Variants in VCL observed in about 807,000 individuals in gnomAD.
VCL encodes the protein epididymis luminal protein 114.
Under a neutral mutation model 125.7 loss-of-function variants are expected in VCL, and 47 were observed. The observed-to-expected ratio is 0.37, with a 90% CI of 0.30 to 0.48. VCL has a LOEUF of 0.48. Among genes scored for constraint, VCL ranks in the 20% least tolerant of loss-of-function variants. The pLI is 0.99. For missense variants in VCL, 1,069 were observed against 1,455.5 expected, an observed-to-expected ratio of 0.73 and a Z score of 4.32; for synonymous variants, 458 against 514.6, an observed-to-expected ratio of 0.89 and a Z score of 1.49.
chr10:74,065,997 C>G (rs1271035098), intron 2 of VCL, among the ~76,000 whole-genome samples: 1 of 150,430 alleles, frequency 6.6e-6, no homozygotes, highest in East Asian at 1.9e-4. Context: ...AAACAAGAAC[C>G]TAGAACACCT....
intron 10 of VCL, among the ~76,000 whole-genome samples, chr10:74,092,052 G>A (rs1052186225): frequency 1.3e-5 from 2 of 151,788 alleles, no homozygotes; most frequent in Admixed American, 1.3e-4. Flanking sequence ...GGGACTACAG[G>A]CGCACACCAC....
rs570975778 is a variant in VCL, at chr10:74,009,223, C to G, written c.168+10848C>G. On this transcript the variant is annotated intron_variant, in intron 1 of 21. Transcript: ENST00000211998. ...TCTAGGTGGCTGCTGCTTTCCCCCC[C>G]CCCCCCCGAGCCATTTTAGTATTTA... is the stretch of plus-strand genomic sequence containing the variant. Among the ~76,000 whole-genome samples, 21 of 117,514 alleles carry G rather than the reference C, an allele frequency of 1.8e-4. 1 individual carries two copies. The highest frequency in any genetic ancestry group is 7.7e-4 in the South Asian group (2 of 2,604). 77.1% of individuals were successfully genotyped at this position (117,514 alleles called of 152,430 possible). A position where few individuals can be genotyped will look rare whatever the true frequency, so the allele number is the denominator to read the frequency against.
intron 15 of VCL, among the ~76,000 whole-genome samples, chr10:74,104,693 G>A (rs11000874): frequency 0.049 from 7,441 of 152,142 alleles, 562 homozygotes; most frequent in African/African-American, 0.16. Flanking sequence ...GGAGTGAGAG[G>A]GACAGGGAGA....
At chr10:74,059,942 C>A (rs966532974) in intron 2 of VCL, among the ~76,000 whole-genome samples, 1 of 152,078 alleles carries the variant, frequency 6.6e-6, no homozygotes, top group East Asian at 1.9e-4. Flanking sequence ...GCAGGAGGAT[C>A]ACTTGAGCCC....
intron 10 of VCL, among the ~76,000 whole-genome samples, chr10:74,091,591 C>T (rs1476420103): frequency 2.0e-5 from 3 of 151,668 alleles, no homozygotes; most frequent in Non-Finnish European, 4.4e-5. Flanking sequence ...GACCAGCCTG[C>T]CAGCCTGGCC....
At chr10:74,054,257 C>T (rs1314127633) in intron 2 of VCL, among the ~76,000 whole-genome samples, 1 of 152,070 alleles carries the variant, frequency 6.6e-6, no homozygotes, top group Non-Finnish European at 1.5e-5. Flanking sequence ...AATTGTAGAC[C>T]TGTCTGTTTT....
intron 1 of VCL, among the ~76,000 whole-genome samples, chr10:74,006,347 C>T (rs1840324311): frequency 6.6e-6 from 1 of 152,150 alleles, no homozygotes; most frequent in Admixed American, 6.5e-5. Context: ...TTTTCTAAAG[C>T]TGTTTTATAA....
chr10:74,000,275 TTTTTGAGA>T (rs1840202507), intron 1 of VCL, among the ~76,000 whole-genome samples: 1 of 150,722 alleles, frequency 6.6e-6, no homozygotes, highest in Non-Finnish European at 1.5e-5. Context: ...TTTTTTTTTT[TTTTTGAGA>T]CAGGGTCTCG....
chr10:74,105,484 A>G, intron 16 of VCL, 131 bp downstream of exon 16: 1 of 1,142,486 alleles, frequency 8.8e-7, no homozygotes, highest in South Asian at 1.3e-5. Flanking sequence ...TTAGTTTGAG[A>G]ATGCTAGATT....
chr10:74,090,071 C>T lies in VCL; in HGVS notation c.1225C>T (p.Arg409Ter), dbSNP rs202005455. The T allele has an allele frequency of 8.1e-6, 13 of 1,613,966 alleles. No homozygotes were observed. Among genetic ancestry groups the T allele is most frequent in the Admixed American group, 3.3e-5 (2 of 59,992 alleles). ...TGGACCGGAAGGAGAAGAGCAGATT[C>T]GAGGTGCTTTGGCTGAAGCTCGGAA... ...NGGPEGEEQI[R>*]GALAEARKIA... The change falls in exon 10 of 22, where the codon CGA becomes TGA. Residue 409 changes from arginine (R) to a stop codon, truncating the protein, a stop_gained. Transcript: ENST00000211998. LOFTEE classifies it high-confidence loss of function.
At position 74,097,279 on chromosome 10, in the gene VCL, A is replaced by C. The variant is rs794729192; in HGVS notation, c.1819A>C (p.Lys607Gln). ...TTTCAGCGATACCACAACTCCCATC[A>C]AGCTGTTGGCAGTGGCAGCCACGGC... ...DVFSDTTTPI[K>Q]LLAVAATAPP... The change falls in exon 13 of 22, where the codon AAG (lysine) becomes CAG (glutamine). Residue 607 changes from lysine (K) to glutamine (Q), a missense_variant. Lys to Gln is a moderately conservative substitution (Grantham distance 53). Coordinates refer to ENST00000211998, the MANE Select transcript of VCL (RefSeq NM_014000.3). The surrounding 1 kb of genome is among the most constrained non-coding windows in gnomAD (Gnocchi z 4.1). The C allele has an allele frequency of 6.2e-7, 1 of 1,614,128 alleles. No homozygotes were observed. The highest frequency in any genetic ancestry group is 1.7e-5 in the Admixed American group (1 of 60,032).
rs879910158 is a variant in VCL at position 74,102,869 on chromosome 10, GTT to G, written c.2023-939_2023-938del. Among the ~76,000 whole-genome samples, 58 of 146,402 alleles carry G rather than the reference GTT, an allele frequency of 4.0e-4. No individual in the cohort carries two copies. In the East Asian group the frequency reaches 8.5e-3, roughly 21 times the overall value. On this transcript the variant is annotated intron_variant, in intron 14 of 21. Coordinates refer to ENST00000211998, the MANE Select transcript of VCL (RefSeq NM_014000.3). Reference sequence around the variant, plus strand: ...AGATTTGGACTTGAGACCTCTGTGAGTTTTTTTTTTTTTCCGAGACGGAGTCT... The same window carrying G: ...AGATTTGGACTTGAGACCTCTGTGAGTTTTTTTTTTTCCGAGACGGAGTCT...
chr10:74,096,399 A>G (rs1839970389), intron 12 of VCL, among the ~76,000 whole-genome samples: 1 of 152,154 alleles, frequency 6.6e-6, no homozygotes, highest in South Asian at 2.1e-4. Flanking sequence ...TGTAATCCTG[A>G]AATCTTGGGT....
chr10:74,083,656 A>T, intron 8 of VCL, 143 bp downstream of exon 8: 1 of 1,010,134 alleles, frequency 9.9e-7, no homozygotes, highest in Non-Finnish European at 1.5e-6. Flanking sequence ...AATTCTTTTG[A>T]GATGGAGGTG....
chr10:74,080,014 C>A (rs1173153349), intron 6 of VCL, among the ~76,000 whole-genome samples: 1 of 152,160 alleles, frequency 6.6e-6, no homozygotes, highest in Non-Finnish European at 1.5e-5. Context: ...AAATTACTCA[C>A]TTCCTGAGAA....
In VCL at chr10:73,998,240, C is replaced by T. The variant is rs749266193; in HGVS notation, c.33C>T (p.Ser11=). The T allele has an allele frequency of 6.2e-7, 1 of 1,612,942 alleles. No homozygotes were observed. Among genetic ancestry groups the T allele is most frequent in the South Asian group, 1.1e-5 (1 of 90,876 alleles). The change falls in exon 1 of 22, where the codon AGC becomes AGT. Residue 11 remains serine, a synonymous_variant. Transcript: ENST00000211998. ...TGTTTCATACGCGCACGATCGAGAG[C>T]ATCCTGGAGCCGGTGGCACAGCAGA... The part of the protein sequence containing the change: MPVFHTRTIE[S]ILEPVAQQIS...
intron 18 of VCL, among the ~76,000 whole-genome samples, chr10:74,109,380 TG>T (rs1840185498): frequency 2.0e-5 from 3 of 152,204 alleles, no homozygotes; most frequent in Admixed American, 1.3e-4. Context: ...TCAGGGTGCC[TG>T]TGATTTGAGA....
chr10:74,083,498 C>T lies in VCL; in HGVS notation c.1007C>T (p.Ala336Val), dbSNP rs768848417. ...CTAGGGCAGATGACTGATCAAGTGG[C>T]TGACCTCCGTGCCAGGTAAAAGTTC... ...KMLGQMTDQVADLRARGQGSS... is the reference protein window; with the variant it reads ...KMLGQMTDQVVDLRARGQGSS... The change falls in exon 8 of 22, where the codon GCT becomes GTT. Residue 336 changes from alanine (A) to valine (V), a missense_variant. Physicochemically the swap from Ala to Val is moderately conservative, Grantham distance 64. This residue lies in a region of VCL where 760 missense variants were observed against 928.9 expected (regional missense o/e 0.82). Coordinates refer to ENST00000211998, the MANE Select transcript of VCL (RefSeq NM_014000.3). The T allele has an allele frequency of 1.2e-6, 2 of 1,613,986 alleles. No homozygotes were observed. Among genetic ancestry groups the T allele is most frequent in the South Asian group, 2.2e-5 (2 of 91,082 alleles).
At chr10:74,052,033 G>A (rs1841308436) in intron 2 of VCL, among the ~76,000 whole-genome samples, 1 of 152,180 alleles carries the variant, frequency 6.6e-6, no homozygotes, top group Non-Finnish European at 1.5e-5. Flanking sequence ...TAATTAAGGG[G>A]TGATTTGTGC....
Sources: gnomAD v4.1 joint callset for allele counts (sites outside exome capture counted in the v4.1 genomes callset) on GRCh38, gnomAD v4.1.1 for gene constraint, gnomAD v4.1.1 regional missense constraint, Gnocchi (gnomAD v3.1) non-coding constraint, MANE v1.5 for transcripts, NCBI Gene and HGNC (gene_info 2026-07-23, HGNC 2026-07-21) for gene names.